Variants in BARX2 observed in about 807,000 individuals in gnomAD.
BARX2 encodes the protein homeobox protein BarH-like 2.
A neutral mutation model predicts 25.5 loss-of-function variants in BARX2; 11 were observed. That is an observed-to-expected ratio of 0.43 (90% CI 0.27 to 0.71). BARX2 has a LOEUF of 0.71. Ranked by LOEUF, BARX2 falls within the 30% of genes least tolerant of loss-of-function variation. BARX2 has a pLI of 0.19. For synonymous variants in BARX2, 137 were observed against 149.5 expected (o/e 0.92, Z 0.61); for missense variants, 360 against 359.9 (o/e 1.00, Z 0.00).
At chr11:129,401,772 A>G (rs1403464974) in intron 1 of BARX2, among the ~76,000 whole-genome samples, 1 of 152,176 alleles carries the variant, frequency 6.6e-6, no homozygotes, top group East Asian at 1.9e-4. Flanking sequence ...CCTGGCCAAC[A>G]TGGTGAAACC....
chr11:129,398,017 T>A (rs1006919521), intron 1 of BARX2, among the ~76,000 whole-genome samples: 1 of 152,258 alleles, frequency 6.6e-6, no homozygotes, highest in Non-Finnish European at 1.5e-5. Context: ...GTGCTGTGGA[T>A]GTCACTGTAT....
In BARX2 at chr11:129,376,026, C is replaced by T. The variant is rs753304232; in HGVS notation, c.-10C>T. 4.0e-6 allele frequency: 6 copies of T among 1,492,696 alleles called. No individual in the cohort carries two copies. Among genetic ancestry groups the T allele is most frequent in the East Asian group, 5.5e-5 (2 of 36,248 alleles). 92.5% of individuals were successfully genotyped at this position (1,492,696 alleles called of 1,614,324 possible). On this transcript the variant is annotated 5_prime_UTR_variant, in exon 1 of 4. Coordinates refer to ENST00000281437, the MANE Select transcript of BARX2 (RefSeq NM_003658.5). The surrounding 1 kb of genome is among the most constrained non-coding windows in gnomAD (Gnocchi z 4.2). ...GCGCTCGGGCCGGCGGACGCTCGCGCCGGCTCACCATGCACTGCCACGCCG... is the reference window on the plus strand; with the variant it reads ...GCGCTCGGGCCGGCGGACGCTCGCGTCGGCTCACCATGCACTGCCACGCCG...
At chr11:129,420,987 A>G (rs1398395335) in intron 1 of BARX2, among the ~76,000 whole-genome samples, 1 of 152,182 alleles carries the variant, frequency 6.6e-6, no homozygotes, top group Admixed American at 6.5e-5. Flanking sequence ...AGAGCAAGAA[A>G]GACCTCACTG....
chr11:129,442,265 C>T (rs1172697608), intron 2 of BARX2, among the ~76,000 whole-genome samples: 1 of 152,122 alleles, frequency 6.6e-6, no homozygotes, highest in Non-Finnish European at 1.5e-5. Context: ...GCTGCCCTGG[C>T]TACTGAGTTA....
chr11:129,383,874 T>G (rs1039232871), intron 1 of BARX2, among the ~76,000 whole-genome samples: 1 of 152,202 alleles, frequency 6.6e-6, no homozygotes, highest in African/African-American at 2.4e-5. Flanking sequence ...TTTTTTGTTT[T>G]TTTGTTTGTT....
intron 1 of BARX2, among the ~76,000 whole-genome samples, chr11:129,397,301 G>A (rs1158802360): frequency 6.6e-6 from 1 of 151,636 alleles, no homozygotes; most frequent in Non-Finnish European, 1.5e-5. Context: ...AAAAAATTCA[G>A]AGATGAAAAG....
Position 129,376,294 on chromosome 11 carries a change from G to A in BARX2, c.187+72G>A, listed in dbSNP as rs1861503486. 7.3e-7 allele frequency: 1 copy of A among 1,368,344 alleles called. No individual in the cohort carries two copies. Among genetic ancestry groups the A allele is most frequent in the Non-Finnish European group, 9.9e-7 (1 of 1,010,242 alleles). The allele number at this position is 1,368,344 out of a possible 1,614,324, so 84.8% of individuals were successfully genotyped here. On this transcript the variant is annotated intron_variant, in intron 1 of 3. Transcript: ENST00000281437. This position sits in a 1 kb window ranked among gnomAD's most constrained non-coding sequence, Gnocchi z 4.2. ...TCCGTGTAGGTGGCCTGTGCTTTGC[G>A]ATCCGAGGGCGAGAGGAAGGGTTAA...
intron 1 of BARX2, among the ~76,000 whole-genome samples, chr11:129,413,357 C>T (rs2135399445): frequency 6.6e-6 from 1 of 152,284 alleles, no homozygotes; most frequent in South Asian, 2.1e-4. Context: ...CTTGTAACCA[C>T]TATCTGTAGG....
At chr11:129,424,586 A>G (rs531257881) in intron 1 of BARX2, among the ~76,000 whole-genome samples, 111 of 152,076 alleles carry the variant, frequency 7.3e-4, no homozygotes, top group Non-Finnish European at 1.4e-3. Context: ...TAGAATTCCT[A>G]CACTTCCTAC....
chr11:129,401,814 G>C (rs1219760254), intron 1 of BARX2, among the ~76,000 whole-genome samples: 1 of 152,136 alleles, frequency 6.6e-6, no homozygotes, highest in African/African-American at 2.4e-5. Context: ...AAATTAGCCA[G>C]GTGTGGTGGC....
intron 1 of BARX2, among the ~76,000 whole-genome samples, chr11:129,422,283 TTTAA>T (rs1565517633): frequency 6.6e-6 from 1 of 152,196 alleles, no homozygotes; most frequent in East Asian, 1.9e-4. Context: ...TATGCATTTA[TTTAA>T]TTAAATTTTC....
At chr11:129,417,630 G>T (rs1213205420) in intron 1 of BARX2, among the ~76,000 whole-genome samples, 1 of 152,226 alleles carries the variant, frequency 6.6e-6, no homozygotes, top group Non-Finnish European at 1.5e-5. Flanking sequence ...TGTTGGAGGG[G>T]TGTAGGTCTG....
At chr11:129,426,126 G>A (rs1280256071) in intron 1 of BARX2, among the ~76,000 whole-genome samples, 1 of 151,730 alleles carries the variant, frequency 6.6e-6, no homozygotes, top group East Asian at 1.9e-4. Context: ...TGTAGAGAGT[G>A]CATCTGTTTC....
At chr11:129,439,726 A>G (rs1862234242) in intron 2 of BARX2, among the ~76,000 whole-genome samples, 1 of 152,100 alleles carries the variant, frequency 6.6e-6, no homozygotes, top group Non-Finnish European at 1.5e-5. Flanking sequence ...TGTGAACCGG[A>G]GGTTAGTAGA....
rs1862412038 is a variant in BARX2 at position 129,452,242 on chromosome 11, C to G, written c.*840C>G. ...CTGCAATGCAGATATGTTCAGATAA[C>G]TTTTATTTTTTAATTAAAAATAAAT... is the stretch of plus-strand genomic sequence containing the variant. On this transcript the variant is annotated 3_prime_UTR_variant, in exon 4 of 4. Coordinates refer to ENST00000281437, the MANE Select transcript of BARX2 (RefSeq NM_003658.5). 6.6e-6 allele frequency: 1 copy of G among 152,160 alleles called. No homozygotes were observed. Among genetic ancestry groups the G allele is most frequent in the South Asian group, 2.1e-4 (1 of 4,828 alleles). The allele number at this position is 152,160 out of a possible 1,614,324, so 9.4% of individuals were successfully genotyped here.
At chr11:129,375,732 G>A (rs1029305494), upstream of BARX2, among the ~76,000 whole-genome samples, 1 of 152,064 alleles carries the variant, frequency 6.6e-6, no homozygotes, top group Non-Finnish European at 1.5e-5. This position sits in a 1 kb window ranked among gnomAD's most constrained non-coding sequence, Gnocchi z 4.0. Flanking sequence ...ACGGGCGGGC[G>A]GGGGCGGGGT....
intron 1 of BARX2, among the ~76,000 whole-genome samples, chr11:129,413,829 C>T (rs890312970): frequency 1.3e-5 from 2 of 151,796 alleles, no homozygotes; most frequent in South Asian, 2.1e-4. Context: ...TTTGGGAGGC[C>T]GAGGCAGGCG....
chr11:129,449,575 TATAA>T (rs1862371965), intron 3 of BARX2, among the ~76,000 whole-genome samples: 1 of 151,962 alleles, frequency 6.6e-6, no homozygotes, highest in African/African-American at 2.4e-5. Context: ...CAAAGCAAAA[TATAA>T]ATATTTTTAA....
At chr11:129,446,272 T>G (rs1862327745) in intron 3 of BARX2, among the ~76,000 whole-genome samples, 1 of 152,184 alleles carries the variant, frequency 6.6e-6, no homozygotes, top group Non-Finnish European at 1.5e-5. Context: ...AGATACCTCC[T>G]TTCTCTCCTA....
Sources: allele counts gnomAD v4.1 joint callset (sites outside exome capture counted in the v4.1 genomes callset), GRCh38; gene constraint gnomAD v4.1.1; non-coding constraint Gnocchi (gnomAD v3.1); transcripts MANE v1.5; gene names NCBI Gene and HGNC (gene_info 2026-07-23, HGNC 2026-07-21).